Variants in MYRIP observed in about 807,000 individuals in gnomAD.
MYRIP encodes rab effector MyRIP.
MYRIP carries 49 observed loss-of-function variants against 98.0 expected under a neutral mutation model. The observed-to-expected ratio is 0.50, with a 90% CI of 0.40 to 0.63. The LOEUF (loss-of-function observed/expected upper bound fraction) is 0.63. Among genes scored for constraint, MYRIP ranks in the 30% least tolerant of loss-of-function variants. MYRIP has a pLI of 0.00. For missense variants in MYRIP, 1,004 were observed against 1,058.2 expected, an observed-to-expected ratio of 0.95 and a Z score of 0.71; for synonymous variants, 404 against 409.5, an observed-to-expected ratio of 0.99 and a Z score of 0.16.
At chr3:39,902,378 A>C (rs980708558) in intron 2 of MYRIP, among the ~76,000 whole-genome samples, 1 of 152,210 alleles carries the variant, frequency 6.6e-6, no homozygotes, top group Admixed American at 6.5e-5. Context: ...GCTAAGACCA[A>C]CTTGAAGTTT....
chr3:39,817,934 A>G (rs994190851), intron 1 of MYRIP, among the ~76,000 whole-genome samples: 2 of 152,216 alleles, frequency 1.3e-5, no homozygotes, highest in African/African-American at 4.8e-5. Flanking sequence ...GGTAACAAGT[A>G]TCCTTGAATA....
At chr3:40,080,032 G>C (rs2125868658) in intron 3 of MYRIP, among the ~76,000 whole-genome samples, 1 of 152,212 alleles carries the variant, frequency 6.6e-6, no homozygotes, top group South Asian at 2.1e-4. Flanking sequence ...TAACATGTTA[G>C]TCATCACTAA....
chr3:39,931,799 C>A (rs4525800), intron 2 of MYRIP, among the ~76,000 whole-genome samples: 6 of 151,924 alleles, frequency 3.9e-5, no homozygotes, highest in African/African-American at 1.2e-4. Flanking sequence ...ATTAATATAG[C>A]GTACAATTCA....
chr3:40,221,022 G>A (rs1053472906), intron 11 of MYRIP, among the ~76,000 whole-genome samples: 1 of 92,942 alleles, frequency 1.1e-5, no homozygotes, highest in Non-Finnish European at 1.9e-5. Flanking sequence ...ATAGGGTAAT[G>A]TACAAAGCAG....
chr3:40,231,766 A>C, intron 11 of MYRIP, among the ~76,000 whole-genome samples: 1 of 152,118 alleles, frequency 6.6e-6, no homozygotes, highest in South Asian at 2.1e-4. Flanking sequence ...GCTATGGTCT[A>C]ACTTTTTTTT....
At chr3:40,099,879 A>G in intron 3 of MYRIP, 1 of 604,842 alleles carries the variant, frequency 1.7e-6, no homozygotes, top group South Asian at 7.3e-5. Context: ...ACAAAGTTGT[A>G]TTAAACCGGG....
At position 40,158,589 on chromosome 3, in the gene MYRIP, A is replaced by C. The variant is rs570213582; in HGVS notation, c.470-4141A>C. On this transcript the variant is annotated intron_variant, in intron 4 of 16. Transcript: ENST00000302541. ...TCTCGTTGATCTGTCTAATGTTGAC[A>C]GTGGGGTGTTAAAGTCTCCCATTAT... Among the ~76,000 whole-genome samples, 10 of 152,278 alleles carry C rather than the reference A, an allele frequency of 6.6e-5. No individual in the cohort carries two copies. In the South Asian group the frequency reaches 2.1e-3, roughly 32 times the overall value.
At chr3:39,922,727 C>T (rs1230534801) in intron 2 of MYRIP, among the ~76,000 whole-genome samples, 1 of 152,010 alleles carries the variant, frequency 6.6e-6, no homozygotes, top group East Asian at 1.9e-4. Context: ...CAGAGAGAGC[C>T]GCTAAAACAG....
At chr3:39,999,512 A>C (rs1412197970) in intron 2 of MYRIP, among the ~76,000 whole-genome samples, 1 of 152,240 alleles carries the variant, frequency 6.6e-6, no homozygotes, top group Non-Finnish European at 1.5e-5. Context: ...GATCATTAAA[A>C]AGTCAGGAAA....
At chr3:39,970,968 T>A (rs1406612480) in intron 2 of MYRIP, among the ~76,000 whole-genome samples, 1 of 152,126 alleles carries the variant, frequency 6.6e-6, no homozygotes, top group Non-Finnish European at 1.5e-5. Flanking sequence ...TTTGTTAACA[T>A]GTATATTTCA....
chr3:40,036,881 A>G (rs1351551166), intron 2 of MYRIP, among the ~76,000 whole-genome samples: 3 of 152,162 alleles, frequency 2.0e-5, no homozygotes, highest in Non-Finnish European at 4.4e-5. Flanking sequence ...AGGAAATTAA[A>G]GTTTGTATTG....
chr3:39,916,526 C>T (rs1437582452), intron 2 of MYRIP, among the ~76,000 whole-genome samples: 1 of 151,978 alleles, frequency 6.6e-6, no homozygotes, highest in Admixed American at 6.5e-5. Context: ...TGACATGCCA[C>T]TAAATAGACA....
At chr3:39,997,283 C>CTA (rs1285784548) in intron 2 of MYRIP, among the ~76,000 whole-genome samples, 10 of 151,876 alleles carry the variant, frequency 6.6e-5, no homozygotes, top group African/African-American at 2.4e-4. Flanking sequence ...TGATAGACCC[C>CTA]TAGCAAGACT....
intron 3 of MYRIP, among the ~76,000 whole-genome samples, chr3:40,083,777 A>G (rs1259692003): frequency 1.3e-5 from 2 of 152,282 alleles, no homozygotes; most frequent in Non-Finnish European, 2.9e-5. Context: ...TAAGTGCTGA[A>G]AGAAAAGCAT....
At chr3:40,190,516 C>T in intron 10 of MYRIP, 53 bp downstream of exon 10, 4 of 1,522,156 alleles carry the variant, frequency 2.6e-6, no homozygotes, top group Non-Finnish European at 3.5e-6. Flanking sequence ...GTAGGATGTG[C>T]CCTACTCCAA....
intron 8 of MYRIP, among the ~76,000 whole-genome samples, chr3:40,172,858 G>C (rs1033982316): frequency 6.6e-6 from 1 of 152,096 alleles, no homozygotes; most frequent in African/African-American, 2.4e-5. Context: ...TCCACTCACT[G>C]CATCTTGGGG....
intron 1 of MYRIP, among the ~76,000 whole-genome samples, chr3:39,837,613 CTGTAGCCT>C (rs1941666907): frequency 6.6e-6 from 1 of 152,152 alleles, no homozygotes; most frequent in African/African-American, 2.4e-5. Context: ...GTTTTGGTTA[CTGTAGCCT>C]TGTAGTATAG....
chr3:40,132,056 T>C (rs1035873837), intron 3 of MYRIP, among the ~76,000 whole-genome samples: 2 of 152,166 alleles, frequency 1.3e-5, no homozygotes, highest in Admixed American at 1.3e-4. Flanking sequence ...AATGTGCTTA[T>C]ATCATTTTTT....
intron 11 of MYRIP, among the ~76,000 whole-genome samples, chr3:40,215,230 A>G (rs1952079850): frequency 6.6e-6 from 1 of 152,104 alleles, no homozygotes; most frequent in Non-Finnish European, 1.5e-5. Context: ...TTATTTTCAC[A>G]AGGGAGTCAA....
Sources: gnomAD v4.1 joint callset for allele counts (sites outside exome capture counted in the v4.1 genomes callset) on GRCh38, gnomAD v4.1.1 for gene constraint, MANE v1.5 for transcripts, NCBI Gene and HGNC (gene_info 2026-07-23, HGNC 2026-07-21) for gene names.